The following FOXP1 variants were observed in gnomAD, a reference collection of about 807,000 sequenced individuals.
FOXP1 encodes the protein forkhead box P1.
A neutral mutation model predicts 98.2 loss-of-function variants in FOXP1; 15 were observed. That is an observed-to-expected ratio of 0.15 (90% confidence interval 0.10 to 0.24). FOXP1 has a LOEUF of 0.24. FOXP1 is among the 10% of genes least tolerant of loss of function. The pLI, the probability that FOXP1 is intolerant of heterozygous loss-of-function variation, is 1.00. For synonymous variants in FOXP1, 371 were observed against 314.5 expected, an observed-to-expected ratio of 1.18 and a Z score of -1.90; for missense variants, 633 against 848.5, an observed-to-expected ratio of 0.75 and a Z score of 3.15.
chr3:71,556,507 G>T (rs1326537810), intron 2 of FOXP1, among the ~76,000 whole-genome samples: 1 of 149,816 alleles, frequency 6.7e-6, no homozygotes, highest in African/African-American at 2.5e-5. Flanking sequence ...AACTCGGGAG[G>T]TGGAGGTTGC....
chr3:71,007,583 C>G (rs150809955), intron 12 of FOXP1, among the ~76,000 whole-genome samples: 2 of 152,260 alleles, frequency 1.3e-5, no homozygotes, highest in African/African-American at 4.8e-5. Context: ...TTGTGATCCA[C>G]GCTGCCTCAT....
intron 7 of FOXP1, among the ~76,000 whole-genome samples, chr3:71,067,281 A>G (rs954458124): frequency 1.3e-5 from 2 of 152,196 alleles, no homozygotes; most frequent in Admixed American, 1.3e-4. Context: ...TGCCCAGGCC[A>G]CTTTGGTTAA....
At chr3:71,440,708 A>C (rs1254052002) in intron 3 of FOXP1, among the ~76,000 whole-genome samples, 1 of 151,736 alleles carries the variant, frequency 6.6e-6, no homozygotes, top group Non-Finnish European at 1.5e-5. Context: ...AAAAAAAAAA[A>C]AAAATAGTTA....
intron 3 of FOXP1, among the ~76,000 whole-genome samples, chr3:71,432,865 AAT>A (rs2084855217): frequency 3.4e-5 from 5 of 148,054 alleles, no homozygotes; most frequent in Admixed American, 6.7e-5. Flanking sequence ...AAAAAAAAAA[AAT>A]TAAAAAAAAA....
At chr3:71,425,592 G>C (rs2084086360) in intron 3 of FOXP1, among the ~76,000 whole-genome samples, 1 of 152,016 alleles carries the variant, frequency 6.6e-6, no homozygotes, top group Admixed American at 6.6e-5. Flanking sequence ...CAAAATAAAT[G>C]CTTAATAAGT....
chr3:71,393,993 C>A (rs911084003), intron 3 of FOXP1, among the ~76,000 whole-genome samples: 1 of 152,188 alleles, frequency 6.6e-6, no homozygotes, highest in Non-Finnish European at 1.5e-5. Flanking sequence ...CTGCACTCAG[C>A]CCCATATACT....
intron 7 of FOXP1, among the ~76,000 whole-genome samples, chr3:71,093,322 T>C (rs2056099738): frequency 6.7e-6 from 1 of 149,764 alleles, no homozygotes; most frequent in South Asian, 2.2e-4. Context: ...GATAGCACTG[T>C]CCAATAGATC....
intron 6 of FOXP1, among the ~76,000 whole-genome samples, chr3:71,152,260 C>T (rs2060608902): frequency 6.6e-6 from 1 of 152,152 alleles, no homozygotes; most frequent in Admixed American, 6.5e-5. Flanking sequence ...TTGAATTCCA[C>T]CAACAGTTAG....
At chr3:71,338,422 G>A (rs2076815739) in intron 4 of FOXP1, among the ~76,000 whole-genome samples, 1 of 152,140 alleles carries the variant, frequency 6.6e-6, no homozygotes, top group Admixed American at 6.5e-5. Flanking sequence ...TTTCCAACCC[G>A]AGTCTTTAAT....
At chr3:71,503,475 C>T (rs373460396) in intron 2 of FOXP1, among the ~76,000 whole-genome samples, 2 of 152,150 alleles carry the variant, frequency 1.3e-5, no homozygotes, top group East Asian at 1.9e-4. Context: ...GTGGCACACA[C>T]CTGTAATCTC....
chr3:71,036,271 G>A (rs948119635), intron 11 of FOXP1, among the ~76,000 whole-genome samples: 3 of 152,150 alleles, frequency 2.0e-5, no homozygotes, highest in Non-Finnish European at 4.4e-5. Context: ...ATGAGAACGA[G>A]GCAAGGACTA....
chr3:71,518,650 C>T (rs2042750575), intron 2 of FOXP1, among the ~76,000 whole-genome samples: 1 of 152,032 alleles, frequency 6.6e-6, no homozygotes, highest in Admixed American at 6.6e-5. Flanking sequence ...ATGGTGGCGC[C>T]ATAAAATGTA....
chr3:71,205,137 G>A (rs1249827578), intron 5 of FOXP1, among the ~76,000 whole-genome samples: 1 of 152,214 alleles, frequency 6.6e-6, no homozygotes, highest in Non-Finnish European at 1.5e-5. Flanking sequence ...AAGCTACAAT[G>A]AATGCAAAGT....
At chr3:71,083,006 C>T (rs887376096) in intron 7 of FOXP1, among the ~76,000 whole-genome samples, 2 of 152,172 alleles carry the variant, frequency 1.3e-5, no homozygotes, top group African/African-American at 2.4e-5. Context: ...TCTGGATCTA[C>T]GTGGTTTTAA....
Position 71,387,852 on chromosome 3 carries a change from T to C in FOXP1, c.-167-28608A>G, listed in dbSNP as rs138969696. ...GCTCTTAAGAGAATGGGTGGTTCTC[T>C]GTTATTGAAAAAAAGTTTGTAACTG... is the stretch of plus-strand genomic sequence containing the variant. On this transcript the variant is annotated intron_variant, in intron 3 of 20. Transcript: ENST00000649528. Among the ~76,000 whole-genome samples the C allele has an allele frequency of 2.2e-3, 341 of 152,364 alleles. 4 individuals are homozygous for C. Among genetic ancestry groups the C allele is most frequent in the African/African-American group, 7.8e-3 (325 of 41,584 alleles).
intron 5 of FOXP1, among the ~76,000 whole-genome samples, chr3:71,224,779 AT>A (rs2065700411): frequency 6.6e-6 from 1 of 152,176 alleles, no homozygotes; most frequent in African/African-American, 2.4e-5. Flanking sequence ...ATAATCACAG[AT>A]TAGCACTGTA....
chr3:71,325,433 T>C (rs2107688515), intron 4 of FOXP1, among the ~76,000 whole-genome samples: 1 of 152,266 alleles, frequency 6.6e-6, no homozygotes, highest in African/African-American at 2.4e-5. Flanking sequence ...GGTCTGAGAT[T>C]GCCAGCTTGT....
At chr3:71,003,888 A>G (rs1251019594) in intron 12 of FOXP1, among the ~76,000 whole-genome samples, 1 of 152,112 alleles carries the variant, frequency 6.6e-6, no homozygotes, top group Non-Finnish European at 1.5e-5. Flanking sequence ...ATCATAAATT[A>G]TATCACATCT....
At position 71,380,272 on chromosome 3, in the gene FOXP1, C is replaced by T. The variant is rs145283299; in HGVS notation, c.-167-21028G>A. 5.6e-3 allele frequency among the ~76,000 whole-genome samples: 850 copies of T among 152,268 alleles called. 6 individuals carry two copies. Among genetic ancestry groups the T allele is most frequent in the African/African-American group, 0.019 (790 of 41,556 alleles). ...GACTACCCAAGAACATCAGGTTGGC[C>T]AGTCTCACCATGGTGAGCCGCAGGT... On this transcript the variant is annotated intron_variant, in intron 3 of 20. Transcript: ENST00000649528.
Sources: allele counts gnomAD v4.1 joint callset (sites outside exome capture counted in the v4.1 genomes callset), GRCh38; gene constraint gnomAD v4.1.1; transcripts MANE v1.5; gene names NCBI Gene and HGNC (gene_info 2026-07-23, HGNC 2026-07-21).